Variants in MCOLN2 observed in about 807,000 individuals in gnomAD.
MCOLN2 encodes the protein mucolipin-2.
MCOLN2 carries 57 observed loss-of-function variants against 67.5 expected under a neutral mutation model. That is an observed-to-expected ratio of 0.84 (90% CI 0.68 to 1.05). The LOEUF (loss-of-function observed/expected upper bound fraction) is 1.05. MCOLN2 is among the 50% of genes least tolerant of loss of function. The pLI, the probability that MCOLN2 is intolerant of heterozygous loss-of-function variation, is 0.00. For missense variants in MCOLN2, 620 were observed against 678.8 expected (o/e 0.91, Z 0.96); for synonymous variants, 246 against 233.3 (o/e 1.05, Z -0.50).
intron 1 of MCOLN2, among the ~76,000 whole-genome samples, chr1:84,969,298 C>T (rs931906883): frequency 1.2e-4 from 18 of 152,172 alleles, no homozygotes; most frequent in African/African-American, 3.6e-4. Flanking sequence ...TGGCTGGGCA[C>T]GGTGGCTCAC....
chr1:84,971,661 A>T (rs538753757), intron 1 of MCOLN2, among the ~76,000 whole-genome samples: 14 of 152,018 alleles, frequency 9.2e-5, no homozygotes, highest in South Asian at 8.3e-4. Flanking sequence ...GAAATAAAAC[A>T]CTCTTTTATT....
At chr1:84,959,930 T>C (rs1375660904) in intron 2 of MCOLN2, among the ~76,000 whole-genome samples, 3 of 152,150 alleles carry the variant, frequency 2.0e-5, no homozygotes, top group Non-Finnish European at 2.9e-5. Context: ...CTGGGTGAGG[T>C]GGCCTGTGGC....
At chr1:84,945,200 G>C (rs893887928) in intron 7 of MCOLN2, among the ~76,000 whole-genome samples, 1 of 152,112 alleles carries the variant, frequency 6.6e-6, no homozygotes, top group African/African-American at 2.4e-5. Context: ...GGCAGCAGGC[G>C]GAAGGAAAAA....
At chr1:84,988,022 T>C (rs1650706137) in intron 1 of MCOLN2, among the ~76,000 whole-genome samples, 1 of 152,074 alleles carries the variant, frequency 6.6e-6, no homozygotes, top group African/African-American at 2.4e-5. Flanking sequence ...AAAGAACTTA[T>C]TCATGTAACC....
chr1:84,941,947 G>A (rs1378756566), intron 7 of MCOLN2, among the ~76,000 whole-genome samples: 7 of 152,180 alleles, frequency 4.6e-5, no homozygotes, highest in African/African-American at 4.8e-5. Context: ...CTTCACGGTA[G>A]TGTCTCCAAT....
In MCOLN2 at chr1:84,970,806, T is replaced by G. The variant is rs10873668; in HGVS notation, c.78-5098A>C. Among the ~76,000 whole-genome samples, 690 of 152,346 alleles carry G rather than the reference T, an allele frequency of 4.5e-3. 5 individuals carry two copies. The highest frequency in any genetic ancestry group is 7.5e-3 in the Non-Finnish European group (513 of 68,032). ...TGATACAATGAGTTAAGAGTTATAC[T>G]GGAAATATTCACTGAGTGCCCTGGA... On this transcript the variant is annotated intron_variant, in intron 1 of 13. Coordinates refer to ENST00000370608, the MANE Select transcript of MCOLN2 (RefSeq NM_153259.4).
In MCOLN2 at chr1:84,946,965, C is replaced by G; in HGVS notation, c.847+68G>C. The G allele has an allele frequency of 3.8e-6, 3 of 781,022 alleles. No individual in the cohort carries two copies. The South Asian group carries it at 4.7e-5, about 12-fold the overall frequency. 48.4% of individuals were successfully genotyped at this position (781,022 alleles called of 1,614,324 possible). ...TCATGCAAACAAACCATTTAAATAC[C>G]CCAAGCCACAAAATAAAGTGTTAAA... is the stretch of plus-strand genomic sequence containing the variant. On this transcript the variant is annotated intron_variant, in intron 7 of 13. Coordinates refer to ENST00000370608, the MANE Select transcript of MCOLN2 (RefSeq NM_153259.4).
chr1:84,948,198 C>T (rs1160888671), intron 6 of MCOLN2, among the ~76,000 whole-genome samples: 1 of 152,270 alleles, frequency 6.6e-6, no homozygotes, highest in Non-Finnish European at 1.5e-5. Context: ...GCCTGCCACA[C>T]AGCCTGCTGC....
intron 6 of MCOLN2, among the ~76,000 whole-genome samples, chr1:84,949,381 GTAATCCCAACACTTTGGGAGGC>G (rs1648290513): frequency 6.6e-6 from 1 of 152,222 alleles, no homozygotes; most frequent in Admixed American, 6.5e-5. Flanking sequence ...GCTCACGCCT[GTAATCCCAACACTTTGGGAGGC>G]TAAGGCAGAC....
At chr1:84,962,687 C>T (rs1001602908) in intron 2 of MCOLN2, among the ~76,000 whole-genome samples, 11 of 152,172 alleles carry the variant, frequency 7.2e-5, no homozygotes, top group Admixed American at 3.9e-4. Flanking sequence ...AGAATCACCC[C>T]GGACTTGGAC....
chr1:84,960,564 C>T (rs898820626), intron 2 of MCOLN2, among the ~76,000 whole-genome samples: 3 of 152,222 alleles, frequency 2.0e-5, no homozygotes, highest in African/African-American at 7.2e-5. Flanking sequence ...ACTGCTAAAA[C>T]TCAGCTATTC....
intron 4 of MCOLN2, among the ~76,000 whole-genome samples, chr1:84,954,092 G>GCA (rs1648654732): frequency 6.6e-6 from 1 of 152,168 alleles, no homozygotes; most frequent in Non-Finnish European, 1.5e-5. Context: ...GAGATCAAGA[G>GCA]CACAACTTTA....
At chr1:84,971,544 A>G (rs1277333878) in intron 1 of MCOLN2, among the ~76,000 whole-genome samples, 3 of 139,964 alleles carry the variant, frequency 2.1e-5, no homozygotes, top group Non-Finnish European at 4.7e-5. Flanking sequence ...ACACACACAC[A>G]CGATATCTTA....
intron 1 of MCOLN2, among the ~76,000 whole-genome samples, chr1:84,981,204 T>TG (rs1650236295): frequency 1.3e-5 from 2 of 152,196 alleles, no homozygotes; most frequent in African/African-American, 4.8e-5. Context: ...ACACTGTTGG[T>TG]GGGACTGTAA....
chr1:84,961,889 G>A (rs1480222936), intron 2 of MCOLN2, among the ~76,000 whole-genome samples: 1 of 152,106 alleles, frequency 6.6e-6, no homozygotes, highest in Non-Finnish European at 1.5e-5. Context: ...AAAGGATATG[G>A]GAGAGAAAGA....
At position 84,958,545 on chromosome 1, in the gene MCOLN2, A is replaced by C. The variant is rs1285728028; in HGVS notation, c.395T>G (p.Phe132Cys). Residue 132 changes from phenylalanine (F) to cysteine (C), a missense_variant, in exon 3 of 14, where the codon TTT becomes TGT. By Grantham distance (205) the Phe-to-Cys change is radical. Coordinates refer to ENST00000370608, the MANE Select transcript of MCOLN2 (RefSeq NM_153259.4). ...AACACTTGCCTGATTAATAGCAAAA[A>C]AGATGCTCTCATAGGCATCCTCTTG... ...YTQEDAYESI[F>C]FAINQYHQLK... The C allele has an allele frequency of 2.5e-6, 4 of 1,602,732 alleles. No individual in the cohort carries two copies. The South Asian group carries it at 4.6e-5, about 18-fold the overall frequency.
chr1:84,941,222 C>G (rs371892135), intron 7 of MCOLN2, among the ~76,000 whole-genome samples: 1 of 152,228 alleles, frequency 6.6e-6, no homozygotes, highest in Non-Finnish European at 1.5e-5. Context: ...CTGGGCCAGG[C>G]ACGGTGGCTC....
intron 1 of MCOLN2, among the ~76,000 whole-genome samples, chr1:84,972,938 C>T (rs1649768131): frequency 6.6e-6 from 1 of 152,114 alleles, no homozygotes; most frequent in South Asian, 2.1e-4. Flanking sequence ...GATGCTATTG[C>T]CTTTGGCTTA....
Position 84,996,179 on chromosome 1 carries a change from A to C in MCOLN2, c.77+617T>G, listed in dbSNP as rs371558245. 1.7e-4 allele frequency among the ~76,000 whole-genome samples: 26 copies of C among 152,190 alleles called. No homozygotes were observed. In the South Asian group the frequency reaches 4.8e-3, roughly 28 times the overall value. ...ACAAAGGTGATGAGCAGCTCCTGAGAGTGAAACCCACATCCCATTTCTGGG... is the reference window on the plus strand; with the variant it reads ...ACAAAGGTGATGAGCAGCTCCTGAGCGTGAAACCCACATCCCATTTCTGGG... On this transcript the variant is annotated intron_variant, in intron 1 of 13. Coordinates refer to ENST00000370608, the MANE Select transcript of MCOLN2 (RefSeq NM_153259.4).
Sources: allele counts gnomAD v4.1 joint callset (sites outside exome capture counted in the v4.1 genomes callset), GRCh38; gene constraint gnomAD v4.1.1; transcripts MANE v1.5; gene names NCBI Gene and HGNC (gene_info 2026-07-23, HGNC 2026-07-21).